LIMS1: variants seen among roughly 807,000 people sequenced by gnomAD.
LIMS1 encodes the protein LIM zinc finger domain containing 1.
LIMS1 carries 18 observed loss-of-function variants against 44.1 expected under a neutral mutation model. The observed-to-expected ratio is 0.41, with a 90% confidence interval of 0.28 to 0.61. LIMS1 has a LOEUF of 0.61. Ranked by LOEUF, LIMS1 falls within the 20% of genes least tolerant of loss-of-function variation. The pLI is 0.32. For missense variants in LIMS1, 201 were observed against 422.0 expected (o/e 0.48, Z 4.59); for synonymous variants, 93 against 149.1 (o/e 0.62, Z 2.74).
At chr2:108,623,896 AC>A (rs1688409567) in intron 1 of LIMS1, among the ~76,000 whole-genome samples, 1 of 152,242 alleles carries the variant, frequency 6.6e-6, no homozygotes, top group African/African-American at 2.4e-5. Context: ...GCTCTGAAAC[AC>A]GAGATGCACG....
At chr2:108,656,651 C>G (rs1467474763) in intron 1 of LIMS1, among the ~76,000 whole-genome samples, 1 of 149,174 alleles carries the variant, frequency 6.7e-6, no homozygotes. Flanking sequence ...AAAAGGAATA[C>G]TTCTTGCAAA....
At chr2:108,660,485 G>A in intron 2 of LIMS1, 1 of 365,780 alleles carries the variant, frequency 2.7e-6, no homozygotes, top group South Asian at 2.1e-5. Context: ...CCAGGCTAGA[G>A]TGTAGTGGCA....
chr2:108,623,515 C>T (rs796740607), intron 1 of LIMS1, among the ~76,000 whole-genome samples: 15 of 152,202 alleles, frequency 9.9e-5, no homozygotes, highest in African/African-American at 3.4e-4. Context: ...TGTTATCTTG[C>T]GAATAGTGCC....
intron 1 of LIMS1, among the ~76,000 whole-genome samples, chr2:108,579,036 A>G (rs546960427): frequency 3.2e-4 from 49 of 151,988 alleles, no homozygotes; most frequent in African/African-American, 1.2e-3. Context: ...ACTTTTTGGT[A>G]TGCATTCATG....
chr2:108,659,835 G>A (rs1691212477), intron 2 of LIMS1, 71 bp downstream of exon 2: 5 of 1,611,778 alleles, frequency 3.1e-6, no homozygotes, highest in Non-Finnish European at 3.4e-6. Context: ...TCTTTCCTGA[G>A]GCCTCCTCCT....
intron 1 of LIMS1, among the ~76,000 whole-genome samples, chr2:108,602,480 G>T (rs1407707101): frequency 6.6e-6 from 1 of 152,268 alleles, no homozygotes; most frequent in Non-Finnish European, 1.5e-5. Flanking sequence ...CCAGTTTTTT[G>T]AGGGTTTTTT....
intron 1 of LIMS1, among the ~76,000 whole-genome samples, chr2:108,611,031 G>A (rs1015533737): frequency 1.3e-5 from 2 of 152,092 alleles, no homozygotes; most frequent in Non-Finnish European, 2.9e-5. Flanking sequence ...TTTAGCCGTG[G>A]TTGAATTTTT....
intron 1 of LIMS1, among the ~76,000 whole-genome samples, chr2:108,602,839 C>T (rs1687082384): frequency 6.6e-6 from 1 of 152,188 alleles, no homozygotes. Context: ...AATCATGGTT[C>T]ACTGAAACCT....
chr2:108,561,929 A>G (rs1685139376), intron 1 of LIMS1, among the ~76,000 whole-genome samples: 2 of 151,828 alleles, frequency 1.3e-5, no homozygotes, highest in Non-Finnish European at 2.9e-5. Flanking sequence ...TTTGTAGTAG[A>G]GACAGGGTTT....
intron 1 of LIMS1, among the ~76,000 whole-genome samples, chr2:108,548,320 A>G (rs1408969668): frequency 2.6e-5 from 4 of 151,894 alleles, no homozygotes; most frequent in Non-Finnish European, 5.9e-5. Flanking sequence ...GCTAACCCAC[A>G]TCAGGAATTG....
chr2:108,682,068 G>C (rs1184364948), intron 9 of LIMS1, among the ~76,000 whole-genome samples: 1 of 152,060 alleles, frequency 6.6e-6, no homozygotes, highest in Non-Finnish European at 1.5e-5. Flanking sequence ...ATTTTTATGA[G>C]AAGTATTTCA....
intron 2 of LIMS1, among the ~76,000 whole-genome samples, chr2:108,669,126 G>C (rs982006490): frequency 2.6e-5 from 4 of 152,194 alleles, no homozygotes; most frequent in African/African-American, 4.8e-5. Context: ...AAAAGTGAAA[G>C]CTGGACATAG....
intron 1 of LIMS1, among the ~76,000 whole-genome samples, chr2:108,635,970 A>G (rs1057515214): frequency 6.6e-6 from 1 of 152,212 alleles, no homozygotes; most frequent in South Asian, 2.1e-4. Flanking sequence ...GGGTCCAACC[A>G]GGAGAGAAAA....
chr2:108,533,804 G>C (rs576164994), upstream of LIMS1: 3 of 152,560 alleles, frequency 2.0e-5, no homozygotes, highest in African/African-American at 7.2e-5. Flanking sequence ...AACTCTCCAA[G>C]AAAGGTTAAC....
intron 1 of LIMS1, among the ~76,000 whole-genome samples, chr2:108,587,986 C>T (rs1170121052): frequency 1.3e-5 from 2 of 152,130 alleles, no homozygotes; most frequent in Non-Finnish European, 2.9e-5. Flanking sequence ...AAAGAAGCTC[C>T]GTTAATTCAA....
chr2:108,574,694 A>G (rs2104639757), intron 1 of LIMS1, among the ~76,000 whole-genome samples: 1 of 152,346 alleles, frequency 6.6e-6, no homozygotes, highest in Admixed American at 6.5e-5. Context: ...AGAAATGTGA[A>G]GCTCACAGAT....
At chr2:108,677,459 A>G (rs1008244418) in intron 7 of LIMS1, 2 of 159,862 alleles carry the variant, frequency 1.3e-5, no homozygotes, top group African/African-American at 2.4e-5. Context: ...CTGGCTGATA[A>G]CATCACTGTG....
chr2:108,679,651 T>A (rs1181049191), intron 8 of LIMS1, among the ~76,000 whole-genome samples: 1 of 152,084 alleles, frequency 6.6e-6, no homozygotes, highest in Non-Finnish European at 1.5e-5. Flanking sequence ...GTGTGGTGGC[T>A]TATACCTGTA....
At chr2:108,664,561 G>A (rs1196721564) in intron 2 of LIMS1, among the ~76,000 whole-genome samples, 1 of 152,220 alleles carries the variant, frequency 6.6e-6, no homozygotes, top group Non-Finnish European at 1.5e-5. Context: ...GGGATGTAAT[G>A]TGTAGTTACC....
Sources: gnomAD v4.1 joint callset for allele counts (sites outside exome capture counted in the v4.1 genomes callset) on GRCh38, gnomAD v4.1.1 for gene constraint, MANE v1.5 for transcripts, NCBI Gene and HGNC (gene_info 2026-07-23, HGNC 2026-07-21) for gene names.